HMG20B: variants seen among roughly 807,000 people sequenced by gnomAD.
HMG20B encodes SWI/SNF-related matrix-associated actin-dependent regulator of chromatin subfamily E member 1-related.
In HMG20B, 24 loss-of-function variants were observed where a neutral mutation model predicts 41.6. The ratio of observed to expected loss-of-function variants is 0.58; its 90% confidence interval spans 0.42 to 0.81. HMG20B has a LOEUF of 0.81. Ranked by LOEUF, HMG20B falls within the 30% of genes least tolerant of loss-of-function variation. The probability of loss-of-function intolerance (pLI) is 0.00; values close to 1 mark genes in which losing one functional copy is unlikely to be tolerated. For missense variants in HMG20B, 461 were observed against 444.0 expected (o/e 1.04, Z -0.34); for synonymous variants, 251 against 186.6 (o/e 1.34, Z -2.81).
At position 3,578,505 on chromosome 19, in the gene HMG20B, T is replaced by C; in HGVS notation, c.942-4T>C. On this transcript the variant is annotated splice_region_variant and splice_polypyrimidine_tract_variant and intron_variant, in intron 9 of 9. Coordinates refer to ENST00000333651, the MANE Select transcript of HMG20B (RefSeq NM_006339.3). ...TCATCCCGGGCCCTCCTCTCTCGTT[T>C]CAGCGAGCACCTGTGAGGAGTGGGC... is the stretch of plus-strand genomic sequence containing the variant. 1 of 1,548,854 alleles carries C rather than the reference T, an allele frequency of 6.5e-7. No individual in the cohort carries two copies. The highest frequency in any genetic ancestry group is 1.2e-5 in the South Asian group (1 of 82,806).
At chr19:3,574,308 GCCC>G (rs1250419980) in intron 3 of HMG20B, 72 bp from the exon 4 acceptor site, 6 of 1,278,632 alleles carry the variant, frequency 4.7e-6, no homozygotes, top group Non-Finnish European at 6.6e-6. Context: ...TACGCGTTAG[GCCC>G]CGCCCATGCC....
At position 3,576,924 on chromosome 19, in the gene HMG20B, A is replaced by G. The variant is rs140281660; in HGVS notation, c.625A>G (p.Met209Val). 2.1e-3 allele frequency: 3,284 copies of G among 1,583,426 alleles called. 2 individuals are homozygous for G. The highest frequency in any genetic ancestry group is 2.6e-3 in the Non-Finnish European group (3,066 of 1,166,414). Residue 209 changes from methionine to valine, a missense_variant, in exon 8 of 10, where the codon ATG becomes GTG. Around this residue, in one of 3 missense-constraint regions of HMG20B, gnomAD observed 308 missense variants for 283.4 expected, o/e 1.09. Transcript: ENST00000333651. ...REAELRRLRK[M>V]NVAFEEQNAV... ...GGCGGAGCTTCGGCGCTTGCGGAAG[A>G]TGAATGTGGCCTTCGAGGAGCAGAA... is the stretch of plus-strand genomic sequence containing the variant.
intron 2 of HMG20B, 44 bp downstream of exon 2, chr19:3,573,391 G>C: frequency 6.7e-7 from 1 of 1,492,106 alleles, no homozygotes; most frequent in Non-Finnish European, 8.9e-7. Flanking sequence ...TACTTTCCCG[G>C]CTGCAGCCCT....
intron 9 of HMG20B, 156 bp downstream of exon 9, chr19:3,578,269 C>G: frequency 8.3e-7 from 1 of 1,201,806 alleles, no homozygotes; most frequent in Admixed American, 2.6e-5. Context: ...CCTGATGCAC[C>G]AGTGCTAGGA....
chr19:3,576,812 G>A, intron 7 of HMG20B, 80 bp from the exon 8 acceptor site: 1 of 1,473,086 alleles, frequency 6.8e-7, no homozygotes, highest in Non-Finnish European at 9.2e-7. Flanking sequence ...GGAAACCTGG[G>A]CAGGGGCACG....
rs1432571190 is a variant in HMG20B, at chr19:3,576,950, C to T, written c.651C>T (p.Asn217=). The T allele has an allele frequency of 4.4e-6, 7 of 1,583,054 alleles. No homozygotes were observed. Among genetic ancestry groups the T allele is most frequent in the Non-Finnish European group, 6.0e-6 (7 of 1,166,120 alleles). Residue 217 remains asparagine (N), a synonymous_variant, in exon 8 of 10, where the codon AAC becomes AAT. Transcript: ENST00000333651. The part of the protein sequence containing the change: ...RKMNVAFEEQ[N]AVLQRHTQSM... Reference sequence around the variant, plus strand: ...TGAATGTGGCCTTCGAGGAGCAGAACGCGGTACTGCAGAGGCACACGCAGA... The same window carrying T: ...TGAATGTGGCCTTCGAGGAGCAGAATGCGGTACTGCAGAGGCACACGCAGA...
At chr19:3,578,271 G>A (rs2032217253) in intron 9 of HMG20B, 158 bp downstream of exon 9, 1 of 1,181,622 alleles carries the variant, frequency 8.5e-7, no homozygotes, top group African/African-American at 1.5e-5. Flanking sequence ...TGATGCACCA[G>A]TGCTAGGATG....
At chr19:3,575,947 A>C (rs1202939713) in intron 5 of HMG20B, 13 of 406,334 alleles carry the variant, frequency 3.2e-5, no homozygotes, top group Non-Finnish European at 5.3e-5. Flanking sequence ...CCGTCTCAAA[A>C]AAAAAAAAAA....
intron 7 of HMG20B, 64 bp downstream of exon 7, chr19:3,576,689 C>G: frequency 6.9e-7 from 1 of 1,451,506 alleles, no homozygotes; most frequent in Non-Finnish European, 9.5e-7. Context: ...GGGGCGTGGG[C>G]CAGGAGGGCC....
At chr19:3,576,699 C>G (rs2145257139) in intron 7 of HMG20B, 74 bp downstream of exon 7, 1 of 1,408,746 alleles carries the variant, frequency 7.1e-7, no homozygotes, top group Middle Eastern at 1.8e-4. Context: ...CCAGGAGGGC[C>G]CCAAGACTGC....
intron 9 of HMG20B, 23 bp downstream of exon 9, chr19:3,578,136 C>T: frequency 2.5e-6 from 4 of 1,604,446 alleles, no homozygotes; most frequent in African/African-American, 1.3e-5. Flanking sequence ...CGAGGCGGGG[C>T]GGGGCCGGGG....
At chr19:3,576,044 C>T (rs1010222409) in intron 5 of HMG20B, 3 of 594,772 alleles carry the variant, frequency 5.0e-6, no homozygotes, top group South Asian at 4.0e-5. Context: ...CCAGGCAGGG[C>T]CTCCCTCCGT....
At position 3,578,766 on chromosome 19, in the gene HMG20B, GC is replaced by G; in HGVS notation, c.*249del. 1 of 750,984 alleles carries G rather than the reference GC, an allele frequency of 1.3e-6. No homozygotes were observed. Among genetic ancestry groups the G allele is most frequent in the Non-Finnish European group, 2.4e-6 (1 of 416,458 alleles). The allele number at this position is 750,984 out of a possible 1,614,324, so 46.5% of individuals were successfully genotyped here. On this transcript the variant is annotated 3_prime_UTR_variant, in exon 10 of 10. Coordinates refer to ENST00000333651, the MANE Select transcript of HMG20B (RefSeq NM_006339.3). ...CCAGAAGAACCTCACAGCCGAGGGT[GC>G]CCCTCCTCGGAGGACAGCCACGCGC...
intron 8 of HMG20B, among the ~76,000 whole-genome samples, chr19:3,577,559 C>G (rs188081528): frequency 7.1e-6 from 1 of 141,706 alleles, no homozygotes; most frequent in African/African-American, 2.7e-5. Flanking sequence ...TGAGCACTGA[C>G]CCAGCCTCCC....
rs1456907550 is a variant in HMG20B at position 3,573,450 on chromosome 19, C to T, written c.38+103C>T. Reference sequence around the variant, plus strand: ...CCCTCCCGCCGGAGTCTTGACTCCCCCACCTGGGTCAGGGGGCTTCTCCCT... The same window carrying T: ...CCCTCCCGCCGGAGTCTTGACTCCCTCACCTGGGTCAGGGGGCTTCTCCCT... On this transcript the variant is annotated intron_variant, in intron 2 of 9. Coordinates refer to ENST00000333651, the MANE Select transcript of HMG20B (RefSeq NM_006339.3). The T allele has an allele frequency of 4.0e-6, 5 of 1,251,508 alleles. No individual in the cohort carries two copies. In the African/African-American group the frequency reaches 7.8e-5, roughly 19 times the overall value. The allele number at this position is 1,251,508 out of a possible 1,614,324, so 77.5% of individuals were successfully genotyped here. A position where few individuals can be genotyped will look rare whatever the true frequency, so the allele number is the denominator to read the frequency against.
intron 6 of HMG20B, 118 bp from the exon 7 acceptor site, chr19:3,576,435 G>C: frequency 1.5e-6 from 2 of 1,322,790 alleles, no homozygotes; most frequent in Non-Finnish European, 2.2e-6. Flanking sequence ...CCGTGGGATC[G>C]CTGTTGATTG....
chr19:3,577,341 C>G (rs1390797456), intron 8 of HMG20B, among the ~76,000 whole-genome samples: 2 of 148,416 alleles, frequency 1.3e-5, no homozygotes, highest in Non-Finnish European at 3.0e-5. Flanking sequence ...CCAGACCACA[C>G]CCGAGCTCCG....
rs1260097433 is a variant in HMG20B, at chr19:3,573,677, T to A, written c.39-15T>A. 5 of 1,490,534 alleles carry A rather than the reference T, an allele frequency of 3.4e-6. No homozygotes were observed. The Admixed American group carries it at 1.2e-4, about 36-fold the overall frequency. 92.3% of individuals were successfully genotyped at this position (1,490,534 alleles called of 1,614,324 possible). A position where few individuals can be genotyped will look rare whatever the true frequency, so the allele number is the denominator to read the frequency against. On this transcript the variant is annotated splice_polypyrimidine_tract_variant and intron_variant, in intron 2 of 9. Coordinates refer to ENST00000333651, the MANE Select transcript of HMG20B (RefSeq NM_006339.3). ...ATTCTTGGGACGGGGCTGACCGCGG[T>A]ATCCTTGGCTCCAGGCCGGCGGGCG...
intron 3 of HMG20B, chr19:3,574,047 G>A (rs1363682119): frequency 3.0e-6 from 2 of 656,826 alleles, no homozygotes; most frequent in Non-Finnish European, 5.4e-6. Context: ...CCACTCCTTG[G>A]GGGCGGCACC....
Sources: allele counts gnomAD v4.1 joint callset (sites outside exome capture counted in the v4.1 genomes callset), GRCh38; gene constraint gnomAD v4.1.1; regional missense constraint gnomAD v4.1.1; transcripts MANE v1.5; gene names NCBI Gene and HGNC (gene_info 2026-07-23, HGNC 2026-07-21).